The following ASTN1 variants were observed in gnomAD, a reference collection of about 807,000 sequenced individuals.
ASTN1 encodes the protein astrotactin-1.
Under a neutral mutation model 140.7 loss-of-function variants are expected in ASTN1, and 41 were observed. That is an observed-to-expected ratio of 0.29 (90% confidence interval 0.23 to 0.38). The LOEUF (loss-of-function observed/expected upper bound fraction) is 0.38, where lower values mean the gene tolerates loss of function less well. ASTN1 is among the 10% of genes least tolerant of loss of function. ASTN1 has a pLI of 1.00. For missense variants in ASTN1, 1,479 were observed against 1,678.8 expected, an observed-to-expected ratio of 0.88 and a Z score of 2.08; for synonymous variants, 640 against 652.2, an observed-to-expected ratio of 0.98 and a Z score of 0.29.
chr1:176,947,971 C>G (rs895788574), intron 12 of ASTN1, among the ~76,000 whole-genome samples: 5 of 152,122 alleles, frequency 3.3e-5, no homozygotes, highest in African/African-American at 1.2e-4. Context: ...GATAACATTA[C>G]AGAGAATATT....
At chr1:177,118,392 A>AG (rs916568578) in intron 1 of ASTN1, among the ~76,000 whole-genome samples, 1 of 152,132 alleles carries the variant, frequency 6.6e-6, no homozygotes, top group Non-Finnish European at 1.5e-5. Flanking sequence ...CATTGATCCT[A>AG]GGGGGGCTGT....
In ASTN1 at chr1:176,941,606, G is replaced by A. The variant is rs139309163; in HGVS notation, c.2377+2285C>T. Among the ~76,000 whole-genome samples, 10 of 152,312 alleles carry A rather than the reference G, an allele frequency of 6.6e-5. 1 individual carries two copies. The East Asian group carries it at 1.9e-3, about 29-fold the overall frequency. On this transcript the variant is annotated intron_variant, in intron 14 of 22. Coordinates refer to ENST00000361833, the MANE Select transcript of ASTN1 (RefSeq NM_004319.3). ...TGGATCTTTCCTTGTTCCCACAGAA[G>A]GGGAGTCAACCACATGTTTTTCTGA...
chr1:177,101,886 C>T (rs1372146250), intron 1 of ASTN1, among the ~76,000 whole-genome samples: 1 of 152,176 alleles, frequency 6.6e-6, no homozygotes, highest in East Asian at 1.9e-4. Flanking sequence ...AAATGAGAAT[C>T]CCAAATGTAT....
chr1:177,002,573 T>C (rs1165164164), intron 8 of ASTN1, among the ~76,000 whole-genome samples: 2 of 152,176 alleles, frequency 1.3e-5, no homozygotes, highest in African/African-American at 4.8e-5. Context: ...TTTCTAGATT[T>C]TTTATCACAC....
intron 8 of ASTN1, among the ~76,000 whole-genome samples, chr1:177,006,708 C>T (rs754744815): frequency 5.3e-5 from 8 of 152,008 alleles, no homozygotes; most frequent in Non-Finnish European, 1.2e-4. Flanking sequence ...TGAGTGTTCC[C>T]GCCTCTGGCA....
chr1:176,863,642 T>C lies in ASTN1; in HGVS notation c.*642A>G. 1 of 985,470 alleles carries C rather than the reference T, an allele frequency of 1.0e-6. No individual in the cohort carries two copies. The highest frequency in any genetic ancestry group is 1.2e-6 in the Non-Finnish European group (1 of 830,028). 61.0% of individuals were successfully genotyped at this position (985,470 alleles called of 1,614,324 possible). ...AGTCCTGGCTTAAAATAAGGAAGGA[T>C]CTCAAAACCCAAGTGGCCCACTGGG... is the stretch of plus-strand genomic sequence containing the variant. On this transcript the variant is annotated 3_prime_UTR_variant, in exon 23 of 23. Coordinates refer to ENST00000361833, the MANE Select transcript of ASTN1 (RefSeq NM_004319.3).
At chr1:176,971,757 T>C (rs970476620) in intron 8 of ASTN1, among the ~76,000 whole-genome samples, 1 of 152,198 alleles carries the variant, frequency 6.6e-6, no homozygotes, top group Non-Finnish European at 1.5e-5. Context: ...AGTAGTATCA[T>C]TACATAGCAG....
chr1:176,918,451 C>CCA, intron 16 of ASTN1, among the ~76,000 whole-genome samples: 1 of 152,132 alleles, frequency 6.6e-6, no homozygotes, highest in Non-Finnish European at 1.5e-5. Context: ...CTTTACTGCT[C>CCA]ACCCCCCGGC....
chr1:177,011,853 T>C (rs1675312753), intron 8 of ASTN1, among the ~76,000 whole-genome samples: 1 of 152,182 alleles, frequency 6.6e-6, no homozygotes, highest in African/African-American at 2.4e-5. Flanking sequence ...TTGTAACTTC[T>C]TATATTAGTG....
chr1:177,042,080 T>C (rs1677003409), intron 2 of ASTN1, among the ~76,000 whole-genome samples: 1 of 152,236 alleles, frequency 6.6e-6, no homozygotes, highest in African/African-American at 2.4e-5. Flanking sequence ...TCAGTATCAC[T>C]ATCTGAACCA....
intron 1 of ASTN1, among the ~76,000 whole-genome samples, chr1:177,078,809 C>G (rs1679044571): frequency 6.6e-6 from 1 of 152,082 alleles, no homozygotes; most frequent in Admixed American, 6.6e-5. Context: ...AAAAGATTTT[C>G]TTTTGCCCAC....
At chr1:177,132,787 C>T (rs575748314) in intron 1 of ASTN1, among the ~76,000 whole-genome samples, 1 of 152,354 alleles carries the variant, frequency 6.6e-6, no homozygotes, top group African/African-American at 2.4e-5. Context: ...CAGGTCTAAA[C>T]TGCTATGATG....
At chr1:177,104,542 A>C (rs1249186500) in intron 1 of ASTN1, among the ~76,000 whole-genome samples, 3 of 152,202 alleles carry the variant, frequency 2.0e-5, no homozygotes, top group Non-Finnish European at 4.4e-5. Context: ...TATAATATCC[A>C]TTAATATTCC....
At chr1:176,916,522 T>C (rs1435757861) in intron 16 of ASTN1, among the ~76,000 whole-genome samples, 2 of 152,190 alleles carry the variant, frequency 1.3e-5, no homozygotes, top group African/African-American at 4.8e-5. Context: ...GTTTTCCATG[T>C]ATGTCTCCCT....
At chr1:177,124,125 A>G (rs1358331434) in intron 1 of ASTN1, among the ~76,000 whole-genome samples, 1 of 152,112 alleles carries the variant, frequency 6.6e-6, no homozygotes, top group Non-Finnish European at 1.5e-5. Context: ...TCTCTTTCTA[A>G]GAAGTACAGG....
chr1:176,978,648 TG>T (rs1307173578), intron 8 of ASTN1, among the ~76,000 whole-genome samples: 4 of 151,976 alleles, frequency 2.6e-5, no homozygotes, highest in Non-Finnish European at 5.9e-5. Flanking sequence ...GAGGGTCTAG[TG>T]GGGCAAGAAA....
intron 2 of ASTN1, among the ~76,000 whole-genome samples, chr1:177,046,468 A>T (rs1473621251): frequency 6.6e-6 from 1 of 152,120 alleles, no homozygotes; most frequent in African/African-American, 2.4e-5. Flanking sequence ...GAAAATGAGG[A>T]GCTGTTGGCT....
At chr1:176,989,444 C>G (rs575227782) in intron 8 of ASTN1, among the ~76,000 whole-genome samples, 2 of 152,230 alleles carry the variant, frequency 1.3e-5, no homozygotes, top group East Asian at 3.9e-4. Context: ...GTACAATGGC[C>G]TAACAAACAA....
Position 176,894,816 on chromosome 1 carries a change from C to G in ASTN1, c.2686G>C (p.Asp896His), listed in dbSNP as rs370875482. ...TCTCTTTCCCGCTCCTCAGACTCAT[C>G]TGATGGGGAGTTGCCTGCAGACACA... is the stretch of plus-strand genomic sequence containing the variant. ...EDISKGNSPS[D>H]ESEERERDPK... Residue 896 changes from aspartate to histidine, a missense_variant, in exon 17 of 23, where the codon GAT becomes CAT. Around this residue, in one of 3 missense-constraint regions of ASTN1, gnomAD observed 746 missense variants for 800.9 expected, o/e 0.93. Transcript: ENST00000361833. The G allele has an allele frequency of 6.2e-7, 1 of 1,613,870 alleles. No homozygotes were observed. The highest frequency in any genetic ancestry group is 8.5e-7 in the Non-Finnish European group (1 of 1,180,052).
Sources: allele counts gnomAD v4.1 joint callset (sites outside exome capture counted in the v4.1 genomes callset), GRCh38; gene constraint gnomAD v4.1.1; regional missense constraint gnomAD v4.1.1; transcripts MANE v1.5; gene names NCBI Gene and HGNC (gene_info 2026-07-23, HGNC 2026-07-21).